The following HMCN1 variants were observed in gnomAD, a reference collection of about 807,000 sequenced individuals.
HMCN1 encodes hemicentin-1.
A neutral mutation model predicts 625.9 loss-of-function variants in HMCN1; 321 were observed. The ratio of observed to expected loss-of-function variants is 0.51; its 90% CI spans 0.47 to 0.56. HMCN1 has a LOEUF of 0.56. HMCN1 is among the 20% of genes least tolerant of loss of function. The pLI is 0.00. For synonymous variants in HMCN1, 2,425 were observed against 2,417.6 expected, an observed-to-expected ratio of 1.00 and a Z score of -0.09; for missense variants, 6,588 against 6,887.3, an observed-to-expected ratio of 0.96 and a Z score of 1.54.
At chr1:185,822,822 T>G (rs995376244) in intron 1 of HMCN1, among the ~76,000 whole-genome samples, 1 of 152,112 alleles carries the variant, frequency 6.6e-6, no homozygotes. Context: ...ATCCCTGTTT[T>G]GGGCAGGAAG....
At chr1:186,142,165 C>T (rs1347475110) in intron 89 of HMCN1, among the ~76,000 whole-genome samples, 1 of 152,114 alleles carries the variant, frequency 6.6e-6, no homozygotes, top group African/African-American at 2.4e-5. Context: ...CACCCTCCTC[C>T]CTCAAGTAGG....
At chr1:185,741,142 G>A (rs1475910781) in intron 1 of HMCN1, among the ~76,000 whole-genome samples, 1 of 152,134 alleles carries the variant, frequency 6.6e-6, no homozygotes, top group Non-Finnish European at 1.5e-5. Flanking sequence ...GAAGCAGCAT[G>A]AGGCCCTCAC....
intron 46 of HMCN1, among the ~76,000 whole-genome samples, chr1:186,059,622 T>C (rs1010508921): frequency 1.3e-5 from 2 of 152,076 alleles, no homozygotes; most frequent in Non-Finnish European, 2.9e-5. Flanking sequence ...GAATGGCATA[T>C]GTCTTGCTTG....
In HMCN1 at chr1:186,016,232, T is replaced by A; in HGVS notation, c.5184T>A (p.Asp1728Glu). The A allele has an allele frequency of 6.2e-7, 1 of 1,612,410 alleles. No homozygotes were observed. Among genetic ancestry groups the A allele is most frequent in the Non-Finnish European group, 8.5e-7 (1 of 1,178,704 alleles). ...AAAAGGAAATCAAATATGAAGTTGA[T>A]GTCTTGGGTAAATAAGGATGCCACT... ...AGEKEIKYEV[D>E]VLVPPAIEGG... Residue 1728 changes from aspartate (D) to glutamate (E), a missense_variant, in exon 32 of 107, where the codon GAT becomes GAA. Physicochemically the swap from Asp to Glu is conservative, Grantham distance 45. This residue lies in a region of HMCN1 where 4,628 missense variants were observed against 4,853.1 expected (regional missense o/e 0.95). Transcript: ENST00000271588.
At chr1:185,953,098 A>C (rs1266624624) in intron 11 of HMCN1, among the ~76,000 whole-genome samples, 1 of 151,286 alleles carries the variant, frequency 6.6e-6, no homozygotes, top group Non-Finnish European at 1.5e-5. Context: ...CCCCTCCCCC[A>C]GAAAAGCGGG....
chr1:185,770,648 G>A (rs1281683896), intron 1 of HMCN1, among the ~76,000 whole-genome samples: 1 of 152,122 alleles, frequency 6.6e-6, no homozygotes, highest in Non-Finnish European at 1.5e-5. Context: ...TGTCTCTTCA[G>A]CCCAATAAAC....
chr1:185,811,319 T>C (rs1659498626), intron 1 of HMCN1, among the ~76,000 whole-genome samples: 1 of 152,054 alleles, frequency 6.6e-6, no homozygotes, highest in South Asian at 2.1e-4. Flanking sequence ...TACATTGATA[T>C]AGGGCCATGA....
chr1:185,834,859 C>T (rs980871535), intron 1 of HMCN1, among the ~76,000 whole-genome samples: 2 of 152,000 alleles, frequency 1.3e-5, no homozygotes, highest in Non-Finnish European at 2.9e-5. Context: ...AGGAGGCTTT[C>T]CCAAAACAAA....
intron 97 of HMCN1, among the ~76,000 whole-genome samples, chr1:186,164,709 GGGCACA>G (rs1010444826): frequency 6.6e-6 from 1 of 152,108 alleles, no homozygotes; most frequent in Admixed American, 6.5e-5. Flanking sequence ...TATTTTTCAC[GGGCACA>G]AATTATTTTA....
intron 15 of HMCN1, among the ~76,000 whole-genome samples, chr1:185,972,805 A>G (rs1035498155): frequency 5.3e-5 from 8 of 151,998 alleles, no homozygotes; most frequent in African/African-American, 1.4e-4. Context: ...TGGTATTCTC[A>G]TTTGCCTTGT....
At chr1:185,904,280 G>A (rs979575656) in intron 4 of HMCN1, among the ~76,000 whole-genome samples, 11 of 151,818 alleles carry the variant, frequency 7.2e-5, no homozygotes, top group East Asian at 1.9e-4. Flanking sequence ...ATCCAGAGGG[G>A]AATCTCTCTT....
intron 73 of HMCN1, 137 bp from the exon 74 acceptor site, chr1:186,114,682 G>C: frequency 1.0e-6 from 1 of 970,342 alleles, no homozygotes; most frequent in Non-Finnish European, 1.6e-6. Context: ...TCCACCAAGG[G>C]TATCATAAAC....
chr1:185,742,572 A>G (rs1260769913), intron 1 of HMCN1, among the ~76,000 whole-genome samples: 1 of 152,224 alleles, frequency 6.6e-6, no homozygotes, highest in African/African-American at 2.4e-5. Flanking sequence ...CTGAAATTCA[A>G]ATTGAAATGT....
intron 6 of HMCN1, among the ~76,000 whole-genome samples, chr1:185,914,960 A>G (rs1340503567): frequency 2.6e-5 from 4 of 152,196 alleles, no homozygotes; most frequent in South Asian, 4.1e-4. Context: ...AAGCAGGCAG[A>G]AGAACTGGTT....
chr1:185,972,131 G>A (rs755531249), intron 15 of HMCN1, among the ~76,000 whole-genome samples: 3 of 151,968 alleles, frequency 2.0e-5, no homozygotes, highest in African/African-American at 4.8e-5. Flanking sequence ...ACCTCCTTCC[G>A]GCACAGATAT....
intron 2 of HMCN1, among the ~76,000 whole-genome samples, chr1:185,856,832 G>T (rs1662498827): frequency 6.6e-6 from 1 of 152,178 alleles, no homozygotes; most frequent in Non-Finnish European, 1.5e-5. Context: ...GAAATAGGTT[G>T]ACTAGAAGAT....
At chr1:185,912,165 G>A (rs892560817) in intron 6 of HMCN1, among the ~76,000 whole-genome samples, 1 of 152,122 alleles carries the variant, frequency 6.6e-6, no homozygotes, top group Non-Finnish European at 1.5e-5. Context: ...ACGCCTTAAC[G>A]GCTGCACTGC....
At chr1:186,177,812 C>A (rs757996577) in intron 103 of HMCN1, among the ~76,000 whole-genome samples, 1 of 151,670 alleles carries the variant, frequency 6.6e-6, no homozygotes, top group African/African-American at 2.4e-5. Flanking sequence ...TTAAGAGGTA[C>A]TATCTTGAGA....
At position 186,088,414 on chromosome 1, in the gene HMCN1, A is replaced by G. The variant is rs1347198164; in HGVS notation, c.9577+138A>G. 3.5e-6 allele frequency: 5 copies of G among 1,427,816 alleles called. No individual in the cohort carries two copies. In the South Asian group the frequency reaches 6.1e-5, roughly 17 times the overall value. The allele number at this position is 1,427,816 out of a possible 1,614,324, so 88.4% of individuals were successfully genotyped here. On this transcript the variant is annotated intron_variant, in intron 62 of 106. Transcript: ENST00000271588. ...CAAGAAGGCTAACGCACTGAAATAC[A>G]GATTTACAAAATAGACTCATTGTAA...
Sources: allele counts gnomAD v4.1 joint callset (sites outside exome capture counted in the v4.1 genomes callset), GRCh38; gene constraint gnomAD v4.1.1; regional missense constraint gnomAD v4.1.1; transcripts MANE v1.5; gene names NCBI Gene and HGNC (gene_info 2026-07-23, HGNC 2026-07-21).